PARPBP: variants seen among roughly 807,000 people sequenced by gnomAD.
PARPBP encodes PARP1 binding protein.
Under a neutral mutation model 50.0 loss-of-function variants are expected in PARPBP, and 52 were observed. The observed-to-expected ratio is 1.04, with a 90% CI of 0.83 to 1.31. The LOEUF (loss-of-function observed/expected upper bound fraction) is 1.31, where lower values mean the gene tolerates loss of function less well. Among genes scored for constraint, PARPBP ranks in the 50% most tolerant of loss-of-function variants. The probability of loss-of-function intolerance (pLI) is 0.00; values close to 1 mark genes in which losing one functional copy is unlikely to be tolerated. For synonymous variants in PARPBP, 244 were observed against 232.1 expected (o/e 1.05, Z -0.47); for missense variants, 697 against 672.0 (o/e 1.04, Z -0.41).
chr12:102,152,828 G>T (rs926892271), intron 3 of PARPBP, among the ~76,000 whole-genome samples: 2 of 149,782 alleles, frequency 1.3e-5, no homozygotes, highest in Non-Finnish European at 1.5e-5. Context: ...ACCAAAATTA[G>T]TTTCTTGAAA....
chr12:102,150,538 A>T (rs1176909618), intron 3 of PARPBP, among the ~76,000 whole-genome samples: 1 of 152,206 alleles, frequency 6.6e-6, no homozygotes, highest in Non-Finnish European at 1.5e-5. Flanking sequence ...GGTCACTTAA[A>T]CAGTGCCCCT....
At chr12:102,195,248 A>C (rs1198625794) in intron 9 of PARPBP, 64 bp from the exon 10 acceptor site, 5 of 1,041,732 alleles carry the variant, frequency 4.8e-6, no homozygotes, top group Admixed American at 4.5e-5. Flanking sequence ...GTGTGTGTCT[A>C]TCTAGATGAA....
At chr12:102,161,380 AC>A (rs1247457643) in intron 4 of PARPBP, among the ~76,000 whole-genome samples, 1 of 152,128 alleles carries the variant, frequency 6.6e-6, no homozygotes, top group African/African-American at 2.4e-5. Flanking sequence ...TGGTGGGATT[AC>A]AGGTGTGAGC....
intron 3 of PARPBP, chr12:102,151,934 C>T (rs969388760): frequency 2.8e-5 from 18 of 637,426 alleles, no homozygotes; most frequent in Admixed American, 8.7e-5. Context: ...AGCAAACCTC[C>T]GAAGTCCAGG....
chr12:102,164,258 T>C (rs938960438), intron 4 of PARPBP, among the ~76,000 whole-genome samples, 180 bp from the exon 5 acceptor site: 7 of 152,144 alleles, frequency 4.6e-5, no homozygotes, highest in African/African-American at 1.4e-4. Flanking sequence ...AGTCAAGAAT[T>C]TGGGGAGAGA....
intron 6 of PARPBP, among the ~76,000 whole-genome samples, chr12:102,169,995 A>G (rs971310073): frequency 2.0e-5 from 3 of 152,212 alleles, no homozygotes; most frequent in African/African-American, 7.2e-5. Flanking sequence ...TTTGAGTCCA[A>G]GGAAGGGTGG....
At chr12:102,131,584 C>G (rs1429846367) in intron 2 of PARPBP, among the ~76,000 whole-genome samples, 1 of 152,158 alleles carries the variant, frequency 6.6e-6, no homozygotes, top group East Asian at 1.9e-4. Context: ...GATTTGGAAT[C>G]AACCTAAATG....
intron 4 of PARPBP, chr12:102,154,796 A>G (rs889955414): frequency 1.3e-5 from 6 of 451,496 alleles, no homozygotes; most frequent in Admixed American, 1.2e-4. Flanking sequence ...TTTGTAAAGG[A>G]TATCAATTAA....
rs1298451482 is a variant in PARPBP at position 102,196,385 on chromosome 12, A to T, written c.*94A>T. 2.4e-5 allele frequency: 21 copies of T among 889,614 alleles called. No homozygotes were observed. Among genetic ancestry groups the T allele is most frequent in the Non-Finnish European group, 3.1e-5 (18 of 576,324 alleles). The allele number at this position is 889,614 out of a possible 1,614,324, so 55.1% of individuals were successfully genotyped here. On this transcript the variant is annotated 3_prime_UTR_variant, in exon 11 of 11. Coordinates refer to ENST00000327680, the MANE Select transcript of PARPBP (RefSeq NM_017915.5). ...AGAGATCAAGGTGTAAATTATGATG[A>T]TTTATTATTTTGGTCTACAGTGTAT...
intron 2 of PARPBP, among the ~76,000 whole-genome samples, chr12:102,134,945 T>C (rs1454571190): frequency 6.6e-6 from 1 of 152,202 alleles, no homozygotes; most frequent in African/African-American, 2.4e-5. Context: ...CCCAAAGTGC[T>C]GGGATTACAG....
intron 2 of PARPBP, among the ~76,000 whole-genome samples, chr12:102,135,495 G>A (rs1351794655): frequency 5.4e-5 from 7 of 129,080 alleles, no homozygotes; most frequent in African/African-American, 1.9e-4. Flanking sequence ...CAGTGAGATC[G>A]CACCACTGCA....
At chr12:102,120,590 A>G (rs999618402) in intron 1 of PARPBP, 13 of 432,542 alleles carry the variant, frequency 3.0e-5, no homozygotes, top group African/African-American at 2.4e-4. Context: ...TAGTCCCACT[A>G]TGTACACGGA....
At chr12:102,175,787 G>GAT in intron 7 of PARPBP, 121 bp downstream of exon 7, 3 of 590,708 alleles carry the variant, frequency 5.1e-6, no homozygotes, top group Non-Finnish European at 5.5e-6. Context: ...GTTCTAAAAT[G>GAT]ATATTGAAAA....
rs772201253 is a variant in PARPBP at position 102,178,729 on chromosome 12, C to T, written c.1143C>T (p.Asn381=). Residue 381 remains asparagine (N), a synonymous_variant, in exon 8 of 11, where the codon AAC becomes AAT. Coordinates refer to ENST00000327680, the MANE Select transcript of PARPBP (RefSeq NM_017915.5). ...CAGAGCTTTTATATGATGAGGAAAACACAATCCATCATCATGGAACGTCTA... is the reference window on the plus strand; with the variant it reads ...CAGAGCTTTTATATGATGAGGAAAATACAATCCATCATCATGGAACGTCTA... ...NKAELLYDEE[N]TIHHHGTSIL... is the part of the protein sequence containing the mutation. 6.2e-7 allele frequency: 1 copy of T among 1,612,728 alleles called. No individual in the cohort carries two copies. The highest frequency in any genetic ancestry group is 1.1e-5 in the South Asian group (1 of 90,864).
intron 4 of PARPBP, 152 bp from the exon 5 acceptor site, chr12:102,164,286 C>A: frequency 1.6e-6 from 1 of 624,744 alleles, no homozygotes; most frequent in Non-Finnish European, 2.7e-6. Context: ...TATTGATTGC[C>A]CAACCTGTTT....
intron 2 of PARPBP, among the ~76,000 whole-genome samples, chr12:102,129,705 T>C (rs1005239001): frequency 6.6e-6 from 1 of 152,244 alleles, no homozygotes; most frequent in Non-Finnish European, 1.5e-5. Context: ...GTAGTTTTCA[T>C]TGTAGAGATC....
At chr12:102,185,660 A>AT (rs1166477079) in intron 9 of PARPBP, among the ~76,000 whole-genome samples, 1 of 151,686 alleles carries the variant, frequency 6.6e-6, no homozygotes. Context: ...TGCTGGGATA[A>AT]TTTTTTTTAT....
intron 3 of PARPBP, 143 bp downstream of exon 3, chr12:102,148,606 G>C (rs1342884636): frequency 2.1e-6 from 1 of 478,212 alleles, no homozygotes; most frequent in African/African-American, 2.0e-5. Context: ...TTAGCTACCT[G>C]AAAGCTACTT....
Position 102,182,575 on chromosome 12 carries a change from T to C in PARPBP, c.1211T>C (p.Ile404Thr), listed in dbSNP as rs763922006. 1 of 1,611,676 alleles carries C rather than the reference T, an allele frequency of 6.2e-7. No homozygotes were observed. Among genetic ancestry groups the C allele is most frequent in the Non-Finnish European group, 8.5e-7 (1 of 1,178,752 alleles). Residue 404 changes from isoleucine (I) to threonine (T), a missense_variant, in exon 9 of 11, where the codon ATA becomes ACA. Coordinates refer to ENST00000327680, the MANE Select transcript of PARPBP (RefSeq NM_017915.5). The stretch of plus-strand genomic sequence containing the variant: ...TCTCCCACACAGGTGAATAATTCGA[T>C]AAAACCCCTAAGAGAACGCATCTGT... ...FRSPTQVNNS[I>T]KPLRERICVS...
Sources: gnomAD v4.1 joint callset for allele counts (sites outside exome capture counted in the v4.1 genomes callset) on GRCh38, gnomAD v4.1.1 for gene constraint, MANE v1.5 for transcripts, NCBI Gene and HGNC (gene_info 2026-07-23, HGNC 2026-07-21) for gene names.